Variants in SFTPA1 observed in about 807,000 individuals in gnomAD.
The protein encoded by SFTPA1 is surfactant protein A1.
Under a neutral mutation model 19.1 loss-of-function variants are expected in SFTPA1, and 13 were observed. The ratio of observed to expected loss-of-function variants is 0.68; its 90% confidence interval spans 0.44 to 1.08. The LOEUF (loss-of-function observed/expected upper bound fraction) is 1.08, where lower values mean the gene tolerates loss of function less well. Among genes scored for constraint, SFTPA1 ranks in the 50% least tolerant of loss-of-function variants. SFTPA1 has a pLI of 0.00. For missense variants in SFTPA1, 259 were observed against 316.4 expected (o/e 0.82, Z 1.38); for synonymous variants, 101 against 117.0 (o/e 0.86, Z 0.88).
Position 79,611,347 on chromosome 10 carries a change from A to G in SFTPA1, c.-66A>G. The G allele has an allele frequency of 2.4e-6, 1 of 424,858 alleles. No individual in the cohort carries two copies. 26.3% of individuals were successfully genotyped at this position (424,858 alleles called of 1,614,324 possible). A position where few individuals can be genotyped will look rare whatever the true frequency, so the allele number is the denominator to read the frequency against. ...GCTGATTTCTTGGAGCCTGAAAAGA[A>G]AGTAACACAGCAGGGATGAGGACAG... On this transcript the variant is annotated 5_prime_UTR_variant, in exon 2 of 6. Transcript: ENST00000398636.
Position 79,612,363 on chromosome 10 carries a change from T to A in SFTPA1, c.224T>A (p.Leu75Gln), listed in dbSNP as rs183023205. 29 of 1,613,782 alleles carry A rather than the reference T, an allele frequency of 1.8e-5. No individual in the cohort carries two copies. In the African/African-American group the frequency reaches 3.6e-4, roughly 20 times the overall value. Residue 75 changes from leucine (L) to glutamine (Q), a missense_variant, in exon 4 of 6, where the codon CTG becomes CAG. Coordinates refer to ENST00000398636, the MANE Select transcript of SFTPA1 (RefSeq NM_005411.5). ...CCATGTCCTCCTGGAAATGATGGGC[T>A]GCCTGGAGCCCCTGGTATCCCTGGA... is the stretch of plus-strand genomic sequence containing the variant. ...EMPCPPGNDGLPGAPGIPGEC... is the reference protein window; with the variant it reads ...EMPCPPGNDGQPGAPGIPGEC...
In SFTPA1 at chr10:79,613,800, C is replaced by A. The variant is rs1404685796; in HGVS notation, c.434C>A (p.Ser145Tyr). ...GEKVFSSNGQ[S>Y]ITFDAIQEAC... ...AAGGTCTTCTCCAGCAATGGGCAGT[C>A]CATCACTTTTGATGCCATTCAGGAG... The change falls in exon 6 of 6, where the codon TCC becomes TAC. Residue 145 changes from serine (S) to tyrosine (Y), a missense_variant. Coordinates refer to ENST00000398636, the MANE Select transcript of SFTPA1 (RefSeq NM_005411.5). 6.2e-7 allele frequency: 1 copy of A among 1,613,968 alleles called. No homozygotes were observed. Among genetic ancestry groups the A allele is most frequent in the East Asian group, 2.2e-5 (1 of 44,870 alleles).
chr10:79,611,398 CCTGA>C lies in SFTPA1; in HGVS notation c.-24+12_-24+15del, dbSNP rs1859839876. 2 of 603,964 alleles carry C rather than the reference CCTGA, an allele frequency of 3.3e-6. No homozygotes were observed. Among genetic ancestry groups the C allele is most frequent in the South Asian group, 2.2e-5 (1 of 46,472 alleles). 37.4% of individuals were successfully genotyped at this position (603,964 alleles called of 1,614,324 possible). On this transcript the variant is annotated intron_variant, in intron 2 of 5. Coordinates refer to ENST00000398636, the MANE Select transcript of SFTPA1 (RefSeq NM_005411.5). ...ATGGTGTGAGTCAGTGAGTGAGTGA[CCTGA>C]CTAATAGCCTGGGAGGGACAGGGCA...
intron 4 of SFTPA1, among the ~76,000 whole-genome samples, chr10:79,612,802 C>T (rs1859938377): frequency 6.6e-6 from 1 of 152,046 alleles, no homozygotes; most frequent in Non-Finnish European, 1.5e-5. Context: ...TCAGGAGCCC[C>T]ACAGACAGAG....
In SFTPA1 at chr10:79,614,147, C is replaced by G. The variant is rs1059061; in HGVS notation, c.*34C>G. 498 of 1,614,162 alleles carry G rather than the reference C, an allele frequency of 3.1e-4. 2 individuals carry two copies. In the African/African-American group the frequency reaches 5.7e-3, roughly 18 times the overall value. ...TAGGCCATGGGACAGGGAGGACGCT[C>G]TCTGGCCTTCGGCCTCCATCCTGAG... On this transcript the variant is annotated 3_prime_UTR_variant, in exon 6 of 6. Transcript: ENST00000398636.
At position 79,614,817 on chromosome 10, in the gene SFTPA1, G is replaced by T. The variant is rs1136479; in HGVS notation, c.*704G>T. ...TAGGCCTCTAGGGTGACCTAGAGCCGCCTTCAGATGTGACCCGAGTAACTT... is the reference window on the plus strand; with the variant it reads ...TAGGCCTCTAGGGTGACCTAGAGCCTCCTTCAGATGTGACCCGAGTAACTT... On this transcript the variant is annotated 3_prime_UTR_variant, in exon 6 of 6. Coordinates refer to ENST00000398636, the MANE Select transcript of SFTPA1 (RefSeq NM_005411.5). The T allele has an allele frequency of 4.8e-6, 2 of 414,050 alleles. No homozygotes were observed. The highest frequency in any genetic ancestry group is 4.8e-4 in the Middle Eastern group (1 of 2,080). The allele number at this position is 414,050 out of a possible 1,614,324, so 25.6% of individuals were successfully genotyped here.
intron 2 of SFTPA1, 86 bp from the exon 3 acceptor site, chr10:79,611,717 T>C (rs1564685552): frequency 3.7e-6 from 6 of 1,608,556 alleles, no homozygotes; most frequent in Non-Finnish European, 8.5e-7. Context: ...TCTCGGGCTC[T>C]GCCCAGCTTC....
At chr10:79,611,595 C>T in intron 2 of SFTPA1, 1 of 1,550,760 alleles carries the variant, frequency 6.4e-7, no homozygotes, top group Non-Finnish European at 8.7e-7. Context: ...GGAGACCCCA[C>T]AACCTCCAGC....
In SFTPA1 at chr10:79,612,420, G is replaced by A; in HGVS notation, c.281G>A (p.Arg94Lys). The A allele has an allele frequency of 6.2e-7, 1 of 1,613,436 alleles. No individual in the cohort carries two copies. The change falls in exon 4 of 6, where the codon AGG becomes AAG. Residue 94 changes from arginine (R) to lysine (K), a missense_variant. Coordinates refer to ENST00000398636, the MANE Select transcript of SFTPA1 (RefSeq NM_005411.5). ...ECGEKGEPGE[R>K]GPPGLPAHLD... ...GGAGAGAAGGGGGAGCCTGGCGAGAGGGGCCCTCCAGGTGAGCAGGGTGGG... is the reference window on the plus strand; with the variant it reads ...GGAGAGAAGGGGGAGCCTGGCGAGAAGGGCCCTCCAGGTGAGCAGGGTGGG...
intron 2 of SFTPA1, 173 bp from the exon 3 acceptor site, chr10:79,611,630 G>A (rs1312343544): frequency 1.3e-6 from 2 of 1,552,278 alleles, no homozygotes; most frequent in Non-Finnish European, 1.7e-6. Context: ...ATGAGGCCAT[G>A]CCAGGTGCCA....
At chr10:79,612,466 T>A in intron 4 of SFTPA1, 35 bp downstream of exon 4, 1 of 1,603,272 alleles carries the variant, frequency 6.2e-7, no homozygotes, top group Non-Finnish European at 8.5e-7. Flanking sequence ...AGTGGAAACA[T>A]GGGCACAGCG....
chr10:79,613,793 G>A lies in SFTPA1; in HGVS notation c.427G>A (p.Gly143Arg), dbSNP rs1860005378. The A allele has an allele frequency of 1.2e-6, 2 of 1,613,948 alleles. No homozygotes were observed. The highest frequency in any genetic ancestry group is 1.7e-4 in the Middle Eastern group (1 of 6,054). Residue 143 changes from glycine (G) to arginine (R), a missense_variant, in exon 6 of 6, where the codon GGG (glycine) becomes AGG (arginine). By Grantham distance (125) the Gly-to-Arg change is moderately radical. Transcript: ENST00000398636. ...AGGAGAGAAGGTCTTCTCCAGCAAT[G>A]GGCAGTCCATCACTTTTGATGCCAT... ...TVGEKVFSSNGQSITFDAIQE... is the reference protein window; with the variant it reads ...TVGEKVFSSNRQSITFDAIQE...
In SFTPA1 at chr10:79,611,910, A is replaced by C; in HGVS notation, c.85A>C (p.Ser29Arg). Residue 29 changes from serine to arginine, a missense_variant, in exon 3 of 6, where the codon AGC becomes CGC. Ser to Arg is a moderately radical substitution (Grantham distance 110, BLOSUM62 -1). Transcript: ENST00000398636. Reference sequence around the variant, plus strand: ...CGAAGTGAAGGACGTTTGTGTTGGAAGCCCTGGTATCCCCGGCACTCCTGG... The same window carrying C: ...CGAAGTGAAGGACGTTTGTGTTGGACGCCCTGGTATCCCCGGCACTCCTGG... ...VCEVKDVCVG[S>R]PGIPGTPGSH... 1 of 1,613,944 alleles carries C rather than the reference A, an allele frequency of 6.2e-7. No individual in the cohort carries two copies. Among genetic ancestry groups the C allele is most frequent in the Non-Finnish European group, 8.5e-7 (1 of 1,179,852 alleles).
At chr10:79,613,011 C>A (rs950103617) in intron 4 of SFTPA1, among the ~76,000 whole-genome samples, 178 bp from the exon 5 acceptor site, 1 of 151,496 alleles carries the variant, frequency 6.6e-6, no homozygotes, top group African/African-American at 2.4e-5. Context: ...GAATAGGGGA[C>A]CACGGGGTGT....
chr10:79,611,468 A>C, intron 2 of SFTPA1, 79 bp downstream of exon 2: 2 of 1,046,520 alleles, frequency 1.9e-6, no homozygotes, highest in Non-Finnish European at 2.7e-6. Context: ...GAAGTCAGAG[A>C]GGTGAAGCCA....
At position 79,611,541 on chromosome 10, in the gene SFTPA1, C is replaced by T. The variant is rs529825216; in HGVS notation, c.-24+152C>T. ...GAGACTGCACTGGAGCCCAGGTCCC[C>T]GGGCTCCCCAGAGCTCCTTACTCTT... On this transcript the variant is annotated intron_variant, in intron 2 of 5. Coordinates refer to ENST00000398636, the MANE Select transcript of SFTPA1 (RefSeq NM_005411.5). 4,189 of 1,501,472 alleles carry T rather than the reference C, an allele frequency of 2.8e-3. 74 individuals carry two copies. The African/African-American group carries it at 0.044, about 16-fold the overall frequency. The allele number at this position is 1,501,472 out of a possible 1,614,324, so 93.0% of individuals were successfully genotyped here.
rs1860042674 is a variant in SFTPA1 at position 79,614,306 on chromosome 10, T to C, written c.*193T>C. The C allele has an allele frequency of 1.0e-5, 9 of 881,894 alleles. No homozygotes were observed. In the South Asian group the frequency reaches 1.6e-4, roughly 16 times the overall value. 54.6% of individuals were successfully genotyped at this position (881,894 alleles called of 1,614,324 possible). ...TCTTCCCCATAATCACTGACCAGCC[T>C]TGACACTCCCCTTGCAAACTCTCCC... On this transcript the variant is annotated 3_prime_UTR_variant, in exon 6 of 6. Transcript: ENST00000398636.
rs1057518534 is a variant in SFTPA1 at position 79,611,916 on chromosome 10, G to C, written c.91G>C (p.Gly31Arg). 5.6e-6 allele frequency: 9 copies of C among 1,613,948 alleles called. No homozygotes were observed. Among genetic ancestry groups the C allele is most frequent in the Non-Finnish European group, 7.6e-6 (9 of 1,179,854 alleles). Residue 31 changes from glycine to arginine, a missense_variant, in exon 3 of 6, where the codon GGT becomes CGT. Coordinates refer to ENST00000398636, the MANE Select transcript of SFTPA1 (RefSeq NM_005411.5). ...EVKDVCVGSP[G>R]IPGTPGSHGL... Reference sequence around the variant, plus strand: ...GAAGGACGTTTGTGTTGGAAGCCCTGGTATCCCCGGCACTCCTGGATCCCA... The same window carrying C: ...GAAGGACGTTTGTGTTGGAAGCCCTCGTATCCCCGGCACTCCTGGATCCCA...
chr10:79,613,785 C>A lies in SFTPA1; in HGVS notation c.419C>A (p.Ser140Tyr). The A allele has an allele frequency of 6.2e-7, 1 of 1,613,962 alleles. No individual in the cohort carries two copies. The highest frequency in any genetic ancestry group is 8.5e-7 in the Non-Finnish European group (1 of 1,179,860). Residue 140 changes from serine (S) to tyrosine (Y), a missense_variant, in exon 6 of 6, where the codon TCC becomes TAC. Coordinates refer to ENST00000398636, the MANE Select transcript of SFTPA1 (RefSeq NM_005411.5). ...ATGACAGTAGGAGAGAAGGTCTTCT[C>A]CAGCAATGGGCAGTCCATCACTTTT... ...SIMTVGEKVF[S>Y]SNGQSITFDA...
Sources: gnomAD v4.1 joint callset for allele counts (sites outside exome capture counted in the v4.1 genomes callset) on GRCh38, gnomAD v4.1.1 for gene constraint, MANE v1.5 for transcripts, NCBI Gene and HGNC (gene_info 2026-07-23, HGNC 2026-07-21) for gene names.